TMC5: variants seen among roughly 807,000 people sequenced by gnomAD.
TMC5 encodes transmembrane channel-like protein 5.
A neutral mutation model predicts 110.5 loss-of-function variants in TMC5; 86 were observed. The observed-to-expected ratio is 0.78, with a 90% CI of 0.65 to 0.93. TMC5 has a LOEUF of 0.93. Among genes scored for constraint, TMC5 ranks in the 40% least tolerant of loss-of-function variants. The probability of loss-of-function intolerance (pLI) is 0.00; values close to 1 mark genes in which losing one functional copy is unlikely to be tolerated. For missense variants in TMC5, 1,144 were observed against 1,222.8 expected (o/e 0.94, Z 0.96); for synonymous variants, 455 against 439.5 (o/e 1.04, Z -0.44).
At chr16:19,483,216 G>A (rs1030028750) in intron 15 of TMC5, among the ~76,000 whole-genome samples, 1 of 152,124 alleles carries the variant, frequency 6.6e-6, no homozygotes, top group Non-Finnish European at 1.5e-5. Flanking sequence ...GGAGTGCAGT[G>A]GCATGATCAT....
At chr16:19,451,201 G>A (rs927815486) in intron 5 of TMC5, among the ~76,000 whole-genome samples, 5 of 152,082 alleles carry the variant, frequency 3.3e-5, no homozygotes, top group African/African-American at 1.2e-4. Flanking sequence ...GAGTGCTGGA[G>A]CCACAAGGCA....
At chr16:19,438,385 C>A in intron 2 of TMC5, among the ~76,000 whole-genome samples, 1 of 49,460 alleles carries the variant, frequency 2.0e-5, no homozygotes, top group Non-Finnish European at 3.7e-5. Context: ...AGAGTGACAC[C>A]CTGTCAAAAA....
At position 19,494,279 on chromosome 16, in the gene TMC5, G is replaced by C. The variant is rs781499805; in HGVS notation, c.2844G>C (p.Met948Ile). 1 of 1,612,594 alleles carries C rather than the reference G, an allele frequency of 6.2e-7. No homozygotes were observed. The highest frequency in any genetic ancestry group is 2.2e-5 in the East Asian group (1 of 44,762). ...EQIINEGKDK[M>I]FLIEKLIKLQ... Reference sequence around the variant, plus strand: ...CTTGGTAGGAGGGCAAAGATAAAATGTTCCTGATAGAAAAATTGATCAAGC... The same window carrying C: ...CTTGGTAGGAGGGCAAAGATAAAATCTTCCTGATAGAAAAATTGATCAAGC... The change falls in exon 20 of 22, where the codon ATG (methionine) becomes ATC (isoleucine). Residue 948 changes from methionine to isoleucine, a missense_variant. By Grantham distance (10) the Met-to-Ile change is conservative (BLOSUM62 1). Coordinates refer to ENST00000542583, the MANE Select transcript of TMC5 (RefSeq NM_001261841.2).
intron 11 of TMC5, 36 bp from the exon 12 acceptor site, chr16:19,474,089 A>G (rs779784586): frequency 1.2e-6 from 2 of 1,605,712 alleles, no homozygotes; most frequent in Non-Finnish European, 1.7e-6. Context: ...TACAGTGTAC[A>G]AGTCAGCCCT....
intron 3 of TMC5, among the ~76,000 whole-genome samples, chr16:19,442,767 G>T (rs1260653613): frequency 6.6e-6 from 1 of 152,182 alleles, no homozygotes; most frequent in East Asian, 1.9e-4. Context: ...AAAACTGGTG[G>T]CTTGTATTTA....
intron 1 of TMC5, among the ~76,000 whole-genome samples, chr16:19,422,251 G>T (rs1967001402): frequency 6.6e-6 from 1 of 151,648 alleles, no homozygotes; most frequent in Non-Finnish European, 1.5e-5. Flanking sequence ...AAGAGAGAGA[G>T]AGAGAAGACA....
rs1397028569 is a variant in TMC5, at chr16:19,439,956, T to G, written c.-79-4T>G. The G allele has an allele frequency of 8.3e-7, 1 of 1,206,870 alleles. No homozygotes were observed. The highest frequency in any genetic ancestry group is 2.3e-5 in the Admixed American group (1 of 43,610). The allele number at this position is 1,206,870 out of a possible 1,614,324, so 74.8% of individuals were successfully genotyped here. On this transcript the variant is annotated splice_region_variant and splice_polypyrimidine_tract_variant and intron_variant, in intron 2 of 21. Coordinates refer to ENST00000542583, the MANE Select transcript of TMC5 (RefSeq NM_001261841.2). ...TGACTTTTTCTTTTCTTCTTGTTTT[T>G]CAGGTGAAAAAAAAAAAAGATCCCT...
In TMC5 at chr16:19,479,446, A is replaced by C. The variant is rs1968563352; in HGVS notation, c.2185A>C (p.Ile729Leu). The C allele has an allele frequency of 6.2e-7, 1 of 1,613,948 alleles. No individual in the cohort carries two copies. The highest frequency in any genetic ancestry group is 8.5e-7 in the Non-Finnish European group (1 of 1,179,890). Reference protein sequence around the residue: ...LSGEECWETLIGQDIYRLLLM... With the variant: ...LSGEECWETLLGQDIYRLLLM... ...TGCCTTCCAGTGTTGGGAAACCCTC[A>C]TTGGCCAGGACATCTACCGGCTCCT... Residue 729 changes from isoleucine to leucine, a missense_variant, in exon 14 of 22, where the codon ATT becomes CTT. By Grantham distance (5) the Ile-to-Leu change is conservative. Transcript: ENST00000542583.
intron 12 of TMC5, among the ~76,000 whole-genome samples, chr16:19,476,513 A>G (rs16972052): frequency 0.087 from 13,277 of 152,230 alleles, 909 homozygotes; most frequent in African/African-American, 0.17. Context: ...ATAACCTTGC[A>G]TATTGAGTAT....
At chr16:19,442,171 A>G (rs1469934004) in intron 3 of TMC5, among the ~76,000 whole-genome samples, 4 of 152,142 alleles carry the variant, frequency 2.6e-5, no homozygotes, top group Non-Finnish European at 5.9e-5. Context: ...ATTTTGTCTA[A>G]AAGATTTTGA....
chr16:19,490,340 A>T, intron 17 of TMC5, 55 bp from the exon 18 acceptor site: 3 of 1,573,786 alleles, frequency 1.9e-6, no homozygotes, highest in Non-Finnish European at 2.6e-6. Flanking sequence ...CTGATTCTAG[A>T]ATAACCATCC....
chr16:19,423,990 G>A (rs1301724191), intron 1 of TMC5, among the ~76,000 whole-genome samples: 1 of 152,154 alleles, frequency 6.6e-6, no homozygotes, highest in Non-Finnish European at 1.5e-5. Flanking sequence ...CTGACCTCAG[G>A]TGTTCTGCCC....
chr16:19,478,230 T>C (rs1968534350), intron 13 of TMC5, among the ~76,000 whole-genome samples: 1 of 152,198 alleles, frequency 6.6e-6, no homozygotes, highest in Admixed American at 6.5e-5. Context: ...AGCTCTCAGA[T>C]ACCCAGGATG....
chr16:19,456,713 T>A, intron 5 of TMC5: 2 of 1,607,568 alleles, frequency 1.2e-6, no homozygotes, highest in Non-Finnish European at 1.7e-6. Flanking sequence ...GGAGATGCTG[T>A]CCGATGACCA....
At chr16:19,417,094 CA>C (rs60613963), upstream of TMC5, among the ~76,000 whole-genome samples, 109 of 69,164 alleles carry the variant, frequency 1.6e-3, 1 homozygote, top group East Asian at 0.038. Flanking sequence ...ACTCAGTCTT[CA>C]AAAAAAAAAA....
chr16:19,493,002 C>T (rs1968954520), intron 19 of TMC5, among the ~76,000 whole-genome samples: 1 of 142,548 alleles, frequency 7.0e-6, no homozygotes, highest in African/African-American at 2.5e-5. Context: ...ACTCTTGTTG[C>T]CCAGGTTGGA....
At chr16:19,452,425 G>T (rs1037935819) in intron 5 of TMC5, among the ~76,000 whole-genome samples, 8 of 152,124 alleles carry the variant, frequency 5.3e-5, no homozygotes, top group African/African-American at 1.9e-4. Flanking sequence ...ATGTAGAAAT[G>T]AGACTGGATG....
intron 2 of TMC5, among the ~76,000 whole-genome samples, chr16:19,433,185 G>T (rs1282628443): frequency 2.0e-5 from 3 of 152,156 alleles, no homozygotes; most frequent in Admixed American, 6.5e-5. Context: ...AAAACATAAA[G>T]GTTTGTTTCT....
intron 20 of TMC5, among the ~76,000 whole-genome samples, chr16:19,496,885 G>T (rs1969066747): frequency 1.8e-5 from 1 of 56,450 alleles, no homozygotes; most frequent in African/African-American, 1.0e-4. Context: ...GCAAGACTCT[G>T]TCAAAAAAAA....
Sources: gnomAD v4.1 joint callset for allele counts (sites outside exome capture counted in the v4.1 genomes callset) on GRCh38, gnomAD v4.1.1 for gene constraint, MANE v1.5 for transcripts, NCBI Gene and HGNC (gene_info 2026-07-23, HGNC 2026-07-21) for gene names.